The following ATP11A variants were observed in gnomAD, a reference collection of about 807,000 sequenced individuals.
ATP11A encodes the protein phospholipid-transporting ATPase IH.
A neutral mutation model predicts 154.4 loss-of-function variants in ATP11A; 81 were observed. The observed-to-expected ratio is 0.52, with a 90% CI of 0.44 to 0.63. The LOEUF (loss-of-function observed/expected upper bound fraction) is 0.63, where lower values mean the gene tolerates loss of function less well. ATP11A is among the 30% of genes least tolerant of loss of function. The pLI is 0.00. For missense variants in ATP11A, 1,316 were observed against 1,474.3 expected (o/e 0.89, Z 1.76); for synonymous variants, 623 against 585.9 (o/e 1.06, Z -0.91).
chr13:112,867,733 C>G (rs2080383918), intron 25 of ATP11A, among the ~76,000 whole-genome samples: 2 of 152,226 alleles, frequency 1.3e-5, no homozygotes, highest in Non-Finnish European at 2.9e-5. Flanking sequence ...CCTTGAGCCC[C>G]CACGGAACCC....
At chr13:112,871,710 G>A (rs2080526498) in intron 25 of ATP11A, 25 bp from the exon 26 acceptor site, 2 of 1,606,446 alleles carry the variant, frequency 1.2e-6, no homozygotes, top group Non-Finnish European at 1.7e-6. Context: ...AAAACGAGAT[G>A]ACTTGGACTA....
At chr13:112,784,143 T>C (rs2163996) in intron 1 of ATP11A, among the ~76,000 whole-genome samples, 74,729 of 152,098 alleles carry the variant, frequency 0.49, 18,788 homozygotes, top group African/African-American at 0.59. Context: ...GGGGCTGCCC[T>C]GTTAGGCGGA....
chr13:112,721,037 C>T (rs910361820), intron 1 of ATP11A, among the ~76,000 whole-genome samples: 8 of 152,096 alleles, frequency 5.3e-5, no homozygotes, highest in South Asian at 2.1e-4. Flanking sequence ...GGCCACAGTC[C>T]GCAGCCTCCA....
At chr13:112,803,161 A>G (rs2140124850) in intron 2 of ATP11A, among the ~76,000 whole-genome samples, 1 of 152,318 alleles carries the variant, frequency 6.6e-6, no homozygotes, top group South Asian at 2.1e-4. Context: ...TAGAAAATGG[A>G]AATTCCTTAT....
rs539728116 is a variant in ATP11A, at chr13:112,746,832, A to G, written c.40-38303A>G. ...GTTGACCTCCCTAAGTGCTGGGATT[A>G]CAGCTGTGAGCTGCTGTGCCTGGCC... is the stretch of plus-strand genomic sequence containing the variant. On this transcript the variant is annotated intron_variant, in intron 1 of 29. Transcript: ENST00000375645. The surrounding 1 kb of genome is among the most constrained non-coding windows in gnomAD (Gnocchi z 4.1). 1.2e-4 allele frequency: 18 copies of G among 151,966 alleles called. No individual in the cohort carries two copies. The highest frequency in any genetic ancestry group is 4.3e-4 in the African/African-American group (18 of 41,430). The allele number at this position is 151,966 out of a possible 1,614,324, so 9.4% of individuals were successfully genotyped here.
At chr13:112,775,663 G>A (rs1033551423) in intron 1 of ATP11A, among the ~76,000 whole-genome samples, 1 of 152,168 alleles carries the variant, frequency 6.6e-6, no homozygotes, top group Non-Finnish European at 1.5e-5. Flanking sequence ...AGATCTGGGT[G>A]ATTTATTTCC....
At chr13:112,729,400 C>T (rs1032870314) in intron 1 of ATP11A, among the ~76,000 whole-genome samples, 1 of 151,224 alleles carries the variant, frequency 6.6e-6, no homozygotes, top group Non-Finnish European at 1.5e-5. Context: ...GAGTATCTAA[C>T]GCGTCCGAGT....
At chr13:112,835,138 A>G (rs114654210) in intron 15 of ATP11A, among the ~76,000 whole-genome samples, 86 of 151,864 alleles carry the variant, frequency 5.7e-4, no homozygotes, top group African/African-American at 2.1e-3. Flanking sequence ...TTCAGTCACC[A>G]GTTTGATGTT....
rs567677252 is a variant in ATP11A at position 112,746,241 on chromosome 13, T to G, written c.40-38894T>G. On this transcript the variant is annotated intron_variant, in intron 1 of 29. Coordinates refer to ENST00000375645, the MANE Select transcript of ATP11A (RefSeq NM_015205.3). This position sits in a 1 kb window ranked among gnomAD's most constrained non-coding sequence, Gnocchi z 4.1. ...TGTGCTGGGTCATACCTATGTTTAA[T>G]TCTCTGAGGAACCTCCGTGCTGTCT... The G allele has an allele frequency of 6.6e-6, 1 of 152,332 alleles. No individual in the cohort carries two copies. Among genetic ancestry groups the G allele is most frequent in the African/African-American group, 2.4e-5 (1 of 41,570 alleles). The allele number at this position is 152,332 out of a possible 1,614,324, so 9.4% of individuals were successfully genotyped here.
chr13:112,828,340 T>TG (rs34206408), intron 12 of ATP11A, among the ~76,000 whole-genome samples: 3 of 99,326 alleles, frequency 3.0e-5, no homozygotes, highest in Non-Finnish European at 5.8e-5. Context: ...CAGTGTTGAG[T>TG]GGGGGGAAAG....
chr13:112,756,618 T>G (rs2139846427), intron 1 of ATP11A, among the ~76,000 whole-genome samples: 1 of 152,348 alleles, frequency 6.6e-6, no homozygotes, highest in East Asian at 1.9e-4. Context: ...TGGTGGCGGC[T>G]GAGCTCAGGT....
In ATP11A at chr13:112,863,807, C is replaced by G. The variant is rs1313246971; in HGVS notation, c.2991+1232C>G. ...ACCTGCACAGTAATTCAGTGCAGGC[C>G]ATGCAGCTTCTCAGCGGGGTCCATC... On this transcript the variant is annotated intron_variant, in intron 25 of 29. Transcript: ENST00000375645. Among the ~76,000 whole-genome samples, 3 of 83,778 alleles carry G rather than the reference C, an allele frequency of 3.6e-5. 1 individual carries two copies. Among genetic ancestry groups the G allele is most frequent in the Non-Finnish European group, 7.4e-5 (3 of 40,674 alleles). The allele number at this position is 83,778 out of a possible 152,430, so 55.0% of individuals were successfully genotyped here. A position where few individuals can be genotyped will look rare whatever the true frequency, so the allele number is the denominator to read the frequency against.
In ATP11A at chr13:112,787,281, T is replaced by G. The variant is rs71446636; in HGVS notation, c.162+2024T>G. On this transcript the variant is annotated intron_variant, in intron 2 of 29. Transcript: ENST00000375645. Reference sequence around the variant, plus strand: ...GTCCTGATGCGTAGACTCCTGTGGATACCTACTTAATTCACACCGGGTGTC... The same window carrying G: ...GTCCTGATGCGTAGACTCCTGTGGAGACCTACTTAATTCACACCGGGTGTC... Among the ~76,000 whole-genome samples the G allele has an allele frequency of 1.3e-3, 118 of 87,728 alleles. 3 individuals carry two copies. The highest frequency in any genetic ancestry group is 0.011 in the East Asian group (30 of 2,688). 57.6% of individuals were successfully genotyped at this position (87,728 alleles called of 152,430 possible).
In ATP11A at chr13:112,810,500, C is replaced by T. The variant is rs539847623; in HGVS notation, c.334-119C>T. ...GCATCCTCATGCTGAAAAATACACC[C>T]CCACAGGCTTGGATTATGCTTAGAC... On this transcript the variant is annotated intron_variant, in intron 4 of 29. Coordinates refer to ENST00000375645, the MANE Select transcript of ATP11A (RefSeq NM_015205.3). 50 of 800,022 alleles carry T rather than the reference C, an allele frequency of 6.2e-5. No homozygotes were observed. The East Asian group carries it at 1.1e-3, about 18-fold the overall frequency. The allele number at this position is 800,022 out of a possible 1,614,324, so 49.6% of individuals were successfully genotyped here.
At chr13:112,880,648 A>G (rs1366985466) in intron 29 of ATP11A, 12 of 1,292,760 alleles carry the variant, frequency 9.3e-6, no homozygotes, top group Admixed American at 2.3e-5. Context: ...GCTCCACGCT[A>G]GGTAACTGTG....
chr13:112,692,937 A>G (rs907519574), intron 1 of ATP11A, among the ~76,000 whole-genome samples: 4 of 152,314 alleles, frequency 2.6e-5, no homozygotes, highest in African/African-American at 9.6e-5. Context: ...TATGTGACTT[A>G]CTTTATTAAA....
chr13:112,845,615 G>T (rs865847169), intron 17 of ATP11A, among the ~76,000 whole-genome samples: 11 of 108,664 alleles, frequency 1.0e-4, no homozygotes, highest in African/African-American at 5.0e-4. Flanking sequence ...CCAGGCACTA[G>T]CGGTACTAAC....
chr13:112,797,637 A>C (rs781062035), intron 2 of ATP11A, among the ~76,000 whole-genome samples: 1 of 152,244 alleles, frequency 6.6e-6, no homozygotes, highest in Non-Finnish European at 1.5e-5. Flanking sequence ...TAAAGTGTTG[A>C]AAGAAAAAGC....
intron 1 of ATP11A, among the ~76,000 whole-genome samples, chr13:112,779,137 T>TGAG (rs1190455408): frequency 9.8e-5 from 7 of 71,762 alleles, no homozygotes; most frequent in African/African-American, 2.1e-4. Context: ...GCCGCTGGAG[T>TGAG]GAGTAGCCGC....
Sources: gnomAD v4.1 joint callset for allele counts (sites outside exome capture counted in the v4.1 genomes callset) on GRCh38, gnomAD v4.1.1 for gene constraint, Gnocchi (gnomAD v3.1) non-coding constraint, MANE v1.5 for transcripts, NCBI Gene and HGNC (gene_info 2026-07-23, HGNC 2026-07-21) for gene names.